Variants in OTUD7A observed in about 807,000 individuals in gnomAD.
OTUD7A encodes the protein OTU domain-containing protein 7A.
A neutral mutation model predicts 65.7 loss-of-function variants in OTUD7A; 12 were observed. The ratio of observed to expected loss-of-function variants is 0.18; its 90% confidence interval spans 0.12 to 0.30. The LOEUF (loss-of-function observed/expected upper bound fraction) is 0.30, where lower values mean the gene tolerates loss of function less well. Among genes scored for constraint, OTUD7A ranks in the 10% least tolerant of loss-of-function variants. The pLI is 1.00. For synonymous variants in OTUD7A, 641 were observed against 586.3 expected (o/e 1.09, Z -1.35); for missense variants, 1,148 against 1,304.8 (o/e 0.88, Z 1.85).
chr15:31,549,957 G>A (rs941133375), intron 5 of OTUD7A, among the ~76,000 whole-genome samples: 3 of 152,000 alleles, frequency 2.0e-5, no homozygotes, highest in African/African-American at 7.3e-5. Context: ...AAAATTAGCT[G>A]GGTTTGGTGG....
chr15:31,500,066 T>C (rs1223920050), intron 10 of OTUD7A, among the ~76,000 whole-genome samples: 3 of 152,196 alleles, frequency 2.0e-5, no homozygotes, highest in African/African-American at 7.2e-5. Context: ...TGGGAGACGC[T>C]GGCCTTGGGA....
At chr15:31,688,196 CAG>C in intron 1 of OTUD7A, among the ~76,000 whole-genome samples, 1 of 138,890 alleles carries the variant, frequency 7.2e-6, no homozygotes, top group South Asian at 2.4e-4. Flanking sequence ...AGCCTGGCGA[CAG>C]AGCGAGACTC....
At chr15:31,618,152 C>T (rs1890654957) in intron 3 of OTUD7A, among the ~76,000 whole-genome samples, 1 of 152,134 alleles carries the variant, frequency 6.6e-6, no homozygotes, top group South Asian at 2.1e-4. Context: ...TGTATATGTG[C>T]CACATTTTCT....
chr15:31,559,172 C>G lies in OTUD7A; in HGVS notation c.347G>C (p.Arg116Pro). 6.2e-7 allele frequency: 1 copy of G among 1,613,226 alleles called. No homozygotes were observed. The highest frequency in any genetic ancestry group is 8.5e-7 in the Non-Finnish European group (1 of 1,179,280). The change falls in exon 5 of 13, where the codon CGG (arginine) becomes CCG (proline). Residue 116 changes from arginine to proline, a missense_variant. Coordinates refer to ENST00000307050, the MANE Select transcript of OTUD7A (RefSeq NM_001382637.1). Reference sequence around the variant, plus strand: ...GGCTGAGCTGGCGTGGGAAATCCCCCGGGAAAGCCGCTTTTCTGCAGGGGG... The same window carrying G: ...GGCTGAGCTGGCGTGGGAAATCCCCGGGGAAAGCCGCTTTTCTGCAGGGGG... Reference protein sequence around the residue: ...DDIAQEKRLSRGISHASSAIV... With the variant: ...DDIAQEKRLSPGISHASSAIV...
chr15:31,731,610 T>C (rs977296529), intron 1 of OTUD7A, among the ~76,000 whole-genome samples: 2 of 152,188 alleles, frequency 1.3e-5, no homozygotes, highest in African/African-American at 4.8e-5. Flanking sequence ...CTCTGTATGA[T>C]ACCATAATGG....
intron 5 of OTUD7A, among the ~76,000 whole-genome samples, chr15:31,550,830 G>A (rs575067414): frequency 3.7e-4 from 57 of 152,322 alleles, no homozygotes; most frequent in African/African-American, 1.4e-3. Context: ...TATCCTGGGA[G>A]GCGTATCCTG....
chr15:31,765,949 G>T, intron 1 of OTUD7A: 1 of 1,349,400 alleles, frequency 7.4e-7, no homozygotes, highest in Non-Finnish European at 1.1e-6. Context: ...TTTTCTAAAA[G>T]TTCTGCAATT....
chr15:31,577,752 G>C (rs1012444391), intron 3 of OTUD7A, among the ~76,000 whole-genome samples: 3 of 148,850 alleles, frequency 2.0e-5, no homozygotes, highest in African/African-American at 7.4e-5. Flanking sequence ...ACAATACTAT[G>C]TTCCTAGTTT....
intron 5 of OTUD7A, among the ~76,000 whole-genome samples, chr15:31,547,751 C>A (rs1207699635): frequency 2.6e-5 from 4 of 152,004 alleles, no homozygotes; most frequent in Non-Finnish European, 5.9e-5. Flanking sequence ...CAGACACACC[C>A]CAAGGCCAAC....
chr15:31,662,301 T>C (rs1892188074), intron 1 of OTUD7A, among the ~76,000 whole-genome samples: 1 of 152,250 alleles, frequency 6.6e-6, no homozygotes, highest in South Asian at 2.1e-4. Context: ...AAAGGCAAGA[T>C]AGATGCTTTA....
At chr15:31,614,078 C>T (rs532770159) in intron 3 of OTUD7A, among the ~76,000 whole-genome samples, 6 of 152,218 alleles carry the variant, frequency 3.9e-5, no homozygotes, top group South Asian at 4.1e-4. Flanking sequence ...TATGTTCTCA[C>T]TGATATGTAG....
chr15:31,697,149 T>C (rs1893102005), intron 1 of OTUD7A, among the ~76,000 whole-genome samples: 1 of 103,148 alleles, frequency 9.7e-6, no homozygotes, highest in East Asian at 2.2e-4. Flanking sequence ...AACATTGCAT[T>C]TGACCTGCAC....
chr15:31,500,006 G>A (rs149966893), intron 10 of OTUD7A, among the ~76,000 whole-genome samples: 26 of 152,306 alleles, frequency 1.7e-4, no homozygotes, highest in African/African-American at 5.5e-4. Context: ...AAGAGTACTC[G>A]GTGCCTTTTG....
Position 31,484,013 on chromosome 15 carries a change from C to T in OTUD7A, c.2083G>A (p.Ala695Thr), listed in dbSNP as rs1413961998. The change falls in exon 13 of 13, where the codon GCC (alanine) becomes ACC (threonine). Residue 695 changes from alanine (A) to threonine (T), a missense_variant. By Grantham distance (58) the Ala-to-Thr change is moderately conservative. Coordinates refer to ENST00000307050, the MANE Select transcript of OTUD7A (RefSeq NM_001382637.1). This position sits in a 1 kb window ranked among gnomAD's most constrained non-coding sequence, Gnocchi z 4.5. ...TAAAAAAAAA[A>T]ATAKRPPRRP... ...CGCGGCGGCCGCTTGGCCGTGGCGG[C>T]GGCGGCGGCGGCGGCAGCGGCGGCC... 16 of 963,910 alleles carry T rather than the reference C, an allele frequency of 1.7e-5. No homozygotes were observed. The highest frequency in any genetic ancestry group is 2.1e-5 in the Non-Finnish European group (16 of 765,814). 59.7% of individuals were successfully genotyped at this position (963,910 alleles called of 1,614,324 possible).
chr15:31,788,738 A>G (rs1463099361), intron 1 of OTUD7A, among the ~76,000 whole-genome samples: 1 of 152,122 alleles, frequency 6.6e-6, no homozygotes, highest in East Asian at 1.9e-4. Flanking sequence ...GAGGAGAGAA[A>G]AGGTACCCTT....
At chr15:31,840,419 T>C (rs989130806) in intron 1 of OTUD7A, among the ~76,000 whole-genome samples, 3 of 151,664 alleles carry the variant, frequency 2.0e-5, no homozygotes, top group African/African-American at 7.3e-5. Flanking sequence ...GCCTGGGCAA[T>C]ACAGCAAGAC....
chr15:31,510,581 ACATACATATGTATATCTAT>A (rs2041677483), intron 8 of OTUD7A, among the ~76,000 whole-genome samples: 1 of 69,482 alleles, frequency 1.4e-5, no homozygotes, highest in Non-Finnish European at 2.9e-5. Flanking sequence ...TCTATATGTA[ACATACATATGTATATCTAT>A]ATGTAACATA....
intron 1 of OTUD7A, among the ~76,000 whole-genome samples, chr15:31,694,212 G>A (rs902102071): frequency 6.6e-6 from 1 of 152,114 alleles, no homozygotes; most frequent in African/African-American, 2.4e-5. Flanking sequence ...GGTGTGTGAA[G>A]GGTCAACAGG....
At chr15:31,637,522 T>C (rs1459905178) in intron 3 of OTUD7A, among the ~76,000 whole-genome samples, 1 of 152,244 alleles carries the variant, frequency 6.6e-6, no homozygotes, top group Non-Finnish European at 1.5e-5. Flanking sequence ...ACTCCACGGA[T>C]CAAGGAGCAA....
Sources: allele counts gnomAD v4.1 joint callset (sites outside exome capture counted in the v4.1 genomes callset), GRCh38; gene constraint gnomAD v4.1.1; non-coding constraint Gnocchi (gnomAD v3.1); transcripts MANE v1.5; gene names NCBI Gene and HGNC (gene_info 2026-07-23, HGNC 2026-07-21).